TP63: variants seen among roughly 807,000 people sequenced by gnomAD.
TP63 encodes tumor protein 63.
TP63 carries 17 observed loss-of-function variants against 82.8 expected under a neutral mutation model. The ratio of observed to expected loss-of-function variants is 0.21; its 90% CI spans 0.14 to 0.31. The LOEUF (loss-of-function observed/expected upper bound fraction) is 0.31, where lower values mean the gene tolerates loss of function less well. TP63 is among the 10% of genes least tolerant of loss of function. The probability of loss-of-function intolerance (pLI) is 1.00; values close to 1 mark genes in which losing one functional copy is unlikely to be tolerated. For missense variants in TP63, 648 were observed against 895.3 expected (o/e 0.72, Z 3.52); for synonymous variants, 330 against 321.7 (o/e 1.03, Z -0.28).
At chr3:189,720,609 C>G (rs1310490648) in intron 1 of TP63, among the ~76,000 whole-genome samples, 1 of 151,952 alleles carries the variant, frequency 6.6e-6, no homozygotes, top group Non-Finnish European at 1.5e-5. Flanking sequence ...TGGCACATGC[C>G]TGTAATCCCA....
Position 189,663,521 on chromosome 3 carries a change from C to CTTTTTT in TP63, c.62+31963_62+31968dup, listed in dbSNP as rs397991949. Among the ~76,000 whole-genome samples the CTTTTTT allele has an allele frequency of 7.2e-3, 608 of 84,546 alleles. 25 individuals are homozygous for CTTTTTT. The highest frequency in any genetic ancestry group is 0.016 in the Middle Eastern group (1 of 62). The allele number at this position is 84,546 out of a possible 152,430, so 55.5% of individuals were successfully genotyped here. On this transcript the variant is annotated intron_variant, in intron 1 of 13. Coordinates refer to ENST00000264731, the MANE Select transcript of TP63 (RefSeq NM_003722.5). ...ATTTAAGTGGCTTATTTCATTCATT[C>CTTTTTT]TTTTTTTTTTTTTTTTTTTTTTTTG... is the stretch of plus-strand genomic sequence containing the variant.
At chr3:189,676,654 T>C (rs963558545) in intron 1 of TP63, among the ~76,000 whole-genome samples, 4 of 151,890 alleles carry the variant, frequency 2.6e-5, no homozygotes, top group Non-Finnish European at 5.9e-5. Context: ...ATACATTGGA[T>C]AGTAGTGAAG....
At chr3:189,788,179 G>A (rs1045753560) in intron 3 of TP63, among the ~76,000 whole-genome samples, 1 of 151,406 alleles carries the variant, frequency 6.6e-6, no homozygotes, top group African/African-American at 2.4e-5. Flanking sequence ...AGAAATGAAT[G>A]TTTTGTCTGA....
chr3:189,875,664 G>T (rs1264288029), intron 10 of TP63, among the ~76,000 whole-genome samples: 1 of 120,776 alleles, frequency 8.3e-6, no homozygotes, highest in Non-Finnish European at 1.7e-5. Context: ...GCTGTAGTTT[G>T]ATAGTCTGTC....
chr3:189,704,483 C>A (rs970564520), intron 1 of TP63, among the ~76,000 whole-genome samples: 2 of 152,212 alleles, frequency 1.3e-5, no homozygotes, highest in Admixed American at 6.5e-5. Flanking sequence ...TACCTTCATA[C>A]CAGGCTTAGA....
At chr3:189,621,299 A>G in the TP63 span, among the ~76,000 whole-genome samples, 34 of 152,282 alleles carry the variant, frequency 2.2e-4, no homozygotes, top group African/African-American at 7.5e-4. Flanking sequence ...AATACACTGC[A>G]TAGATTGCTT....
At chr3:189,673,198 T>C (rs943535277) in intron 1 of TP63, among the ~76,000 whole-genome samples, 1 of 152,122 alleles carries the variant, frequency 6.6e-6, no homozygotes, top group African/African-American at 2.4e-5. Context: ...TTCACAGAAC[T>C]GAACATTCTT....
rs764929153 is a variant in TP63, at chr3:189,886,561, T to C, written c.1507+10T>C. 4 of 1,613,830 alleles carry C rather than the reference T, an allele frequency of 2.5e-6. No homozygotes were observed. The Admixed American group carries it at 6.7e-5, about 27-fold the overall frequency. On this transcript the variant is annotated intron_variant, in intron 11 of 13. Transcript: ENST00000264731. ...GGCATGGGAGCCAACAGTAAGAGCA[T>C]CTCCTTTTAGCTGTGGCTGAAGGAT...
chr3:189,816,604 A>G (rs1042693658), intron 4 of TP63, among the ~76,000 whole-genome samples: 8 of 152,330 alleles, frequency 5.3e-5, no homozygotes, highest in South Asian at 2.1e-4. Flanking sequence ...ACTGTGACTG[A>G]AAGGAGACTT....
In TP63 at chr3:189,867,825, G is replaced by C. The variant is rs1717920870; in HGVS notation, c.883-8G>C. 9 of 1,613,126 alleles carry C rather than the reference G, an allele frequency of 5.6e-6. No homozygotes were observed. Among genetic ancestry groups the C allele is most frequent in the Admixed American group, 1.7e-5 (1 of 60,016 alleles). ...TGTTAACACAGATTATTTACCCCTT[G>C]TTTTCAGGTTGGCACTGAATTCACG... On this transcript the variant is annotated splice_region_variant and splice_polypyrimidine_tract_variant and intron_variant, in intron 6 of 13. Coordinates refer to ENST00000264731, the MANE Select transcript of TP63 (RefSeq NM_003722.5).
intron 1 of TP63, among the ~76,000 whole-genome samples, chr3:189,705,558 C>G (rs73056186): frequency 6.6e-6 from 1 of 151,928 alleles, no homozygotes; most frequent in Non-Finnish European, 1.5e-5. Context: ...CTCCTGAGTG[C>G]GAAGCAGCCT....
intron 1 of TP63, among the ~76,000 whole-genome samples, chr3:189,649,273 C>A (rs1485566192): frequency 6.8e-6 from 1 of 146,754 alleles, no homozygotes; most frequent in Non-Finnish European, 1.5e-5. Context: ...AGACTGGACA[C>A]CATGGAACAC....
At chr3:189,789,717 T>C in intron 3 of TP63, 1 of 1,403,836 alleles carries the variant, frequency 7.1e-7, no homozygotes, top group Non-Finnish European at 9.4e-7. Context: ...TAGATTCATA[T>C]TGTAAGGGTC....
At chr3:189,675,412 G>T (rs923805625) in intron 1 of TP63, among the ~76,000 whole-genome samples, 1 of 151,980 alleles carries the variant, frequency 6.6e-6, no homozygotes, top group Non-Finnish European at 1.5e-5. Context: ...CATTTTAAAA[G>T]ATTATAAAAA....
intron 3 of TP63, among the ~76,000 whole-genome samples, chr3:189,742,211 C>A (rs540178118): frequency 7.2e-6 from 1 of 139,706 alleles, no homozygotes; most frequent in East Asian, 2.1e-4. Context: ...CCATTGTACT[C>A]CAGCCTGGGC....
intron 3 of TP63, among the ~76,000 whole-genome samples, chr3:189,754,287 C>A (rs1173769197): frequency 6.6e-6 from 1 of 152,160 alleles, no homozygotes; most frequent in Admixed American, 6.6e-5. Flanking sequence ...CTTCTTTCCT[C>A]CATCCTTGCA....
intron 4 of TP63, among the ~76,000 whole-genome samples, chr3:189,841,771 A>G (rs1019794434): frequency 6.6e-6 from 1 of 152,212 alleles, no homozygotes; most frequent in African/African-American, 2.4e-5. Context: ...ATTTTAAAAG[A>G]CAATCAAAGA....
intron 4 of TP63, among the ~76,000 whole-genome samples, chr3:189,835,309 G>A (rs1029294922): frequency 3.3e-5 from 5 of 152,164 alleles, no homozygotes; most frequent in African/African-American, 1.2e-4. Context: ...ATAAATTATA[G>A]TTTATGAAGG....
chr3:189,755,744 C>T (rs1173230730), intron 3 of TP63, among the ~76,000 whole-genome samples: 1 of 151,816 alleles, frequency 6.6e-6, no homozygotes, highest in Non-Finnish European at 1.5e-5. Flanking sequence ...GTTTACATTC[C>T]CACCAACTGT....
Sources: allele counts gnomAD v4.1 joint callset (sites outside exome capture counted in the v4.1 genomes callset), GRCh38; gene constraint gnomAD v4.1.1; transcripts MANE v1.5; gene names NCBI Gene and HGNC (gene_info 2026-07-23, HGNC 2026-07-21).